The following GFPT2 variants were observed in gnomAD, a reference collection of about 807,000 sequenced individuals.
The protein encoded by GFPT2 is glutamine--fructose-6-phosphate aminotransferase [isomerizing] 2.
In GFPT2, 62 loss-of-function variants were observed where a neutral mutation model predicts 85.6. The ratio of observed to expected loss-of-function variants is 0.72; its 90% CI spans 0.59 to 0.90. The LOEUF is 0.90. Ranked by LOEUF, GFPT2 falls within the 40% of genes least tolerant of loss-of-function variation. The pLI is 0.00. For synonymous variants in GFPT2, 368 were observed against 344.5 expected, an observed-to-expected ratio of 1.07 and a Z score of -0.75; for missense variants, 788 against 893.4, an observed-to-expected ratio of 0.88 and a Z score of 1.50.
At chr5:180,310,557 C>T (rs1258047964) in intron 15 of GFPT2, among the ~76,000 whole-genome samples, 6 of 151,734 alleles carry the variant, frequency 4.0e-5, no homozygotes, top group Non-Finnish European at 8.8e-5. Flanking sequence ...ATTACAGGCA[C>T]CTGCCACCAC....
chr5:180,352,459 G>A (rs978199549), intron 1 of GFPT2: 2 of 451,640 alleles, frequency 4.4e-6, no homozygotes, highest in African/African-American at 2.0e-5. Context: ...TGTGCGCTCC[G>A]GGCCGCGGCC....
chr5:180,311,102 T>C (rs780756009), intron 15 of GFPT2, among the ~76,000 whole-genome samples: 5 of 152,192 alleles, frequency 3.3e-5, no homozygotes, highest in Non-Finnish European at 5.9e-5. Flanking sequence ...TTCTCTATGA[T>C]GGCCCTTCCC....
intron 1 of GFPT2, among the ~76,000 whole-genome samples, chr5:180,342,320 G>A (rs903183791): frequency 4.6e-5 from 7 of 151,736 alleles, no homozygotes; most frequent in East Asian, 1.9e-4. Context: ...GTCATGTACC[G>A]TAGCAGCCTG....
chr5:180,318,694 A>G lies in GFPT2; in HGVS notation c.958+99T>C. The G allele has an allele frequency of 3.0e-6, 3 of 1,006,530 alleles. No individual in the cohort carries two copies. Among genetic ancestry groups the G allele is most frequent in the Non-Finnish European group, 4.5e-6 (3 of 669,854 alleles). The allele number at this position is 1,006,530 out of a possible 1,614,324, so 62.3% of individuals were successfully genotyped here. Reference sequence around the variant, plus strand: ...CGCCCTGGTGGCCACAGAGGGCAGGAGGGCTGTGGCCTCTACTAGGACCAG... The same window carrying G: ...CGCCCTGGTGGCCACAGAGGGCAGGGGGGCTGTGGCCTCTACTAGGACCAG... On this transcript the variant is annotated intron_variant, in intron 10 of 18. Transcript: ENST00000253778. The surrounding 1 kb of genome is among the most constrained non-coding windows in gnomAD (Gnocchi z 4.2).
At position 180,302,533 on chromosome 5, in the gene GFPT2, C is replaced by G; in HGVS notation, c.1894G>C (p.Ala632Pro). 6.2e-7 allele frequency: 1 copy of G among 1,613,996 alleles called. No homozygotes were observed. The highest frequency in any genetic ancestry group is 1.7e-5 in the Admixed American group (1 of 60,018). The change falls in exon 18 of 19, where the codon GCG becomes CCG. Residue 632 changes from alanine (A) to proline (P), a missense_variant. By Grantham distance (27) the Ala-to-Pro change is conservative (BLOSUM62 -1). Coordinates refer to ENST00000253778, the MANE Select transcript of GFPT2 (RefSeq NM_005110.4). ...TGGGGCAGCTCAATTGTCTTATACG[C>G]AAACTTGGAACTTTCAGTATCGTCC... ...SKDDTESSKF[A>P]YKTIELPHTV...
chr5:180,305,628 A>G (rs909536372), intron 16 of GFPT2, among the ~76,000 whole-genome samples: 3 of 152,202 alleles, frequency 2.0e-5, no homozygotes, highest in South Asian at 2.1e-4. Flanking sequence ...CCAGAGGACC[A>G]TGGGCTCGTG....
chr5:180,306,363 C>T (rs1309547017), intron 16 of GFPT2, among the ~76,000 whole-genome samples: 1 of 152,280 alleles, frequency 6.6e-6, no homozygotes, highest in Middle Eastern at 3.4e-3. Context: ...TTAATGCCCT[C>T]GTCTTGGTGG....
chr5:180,338,713 C>A lies in GFPT2; in HGVS notation c.8-113G>T. 4.7e-6 allele frequency: 3 copies of A among 640,738 alleles called. No homozygotes were observed. The South Asian group carries it at 5.6e-5, about 12-fold the overall frequency. 39.7% of individuals were successfully genotyped at this position (640,738 alleles called of 1,614,324 possible). ...ATCACAAAGGTCTCCCAGGGGCTTGCAGAGGTGGGTATGCCCCTCCCTGAG... is the reference window on the plus strand; with the variant it reads ...ATCACAAAGGTCTCCCAGGGGCTTGAAGAGGTGGGTATGCCCCTCCCTGAG... On this transcript the variant is annotated intron_variant, in intron 1 of 18. Coordinates refer to ENST00000253778, the MANE Select transcript of GFPT2 (RefSeq NM_005110.4).
At chr5:180,310,832 C>CAAAAAAAAAAAAAAAAAAAAA (rs3080055) in intron 15 of GFPT2, among the ~76,000 whole-genome samples, 1 of 50,582 alleles carries the variant, frequency 2.0e-5, no homozygotes, top group Non-Finnish European at 3.3e-5. Context: ...TGGACACAGG[C>CAAAAAAAAAAAAAAAAAAAAA]AAAAAAAAAA....
At chr5:180,346,063 C>A (rs1764601787) in intron 1 of GFPT2, among the ~76,000 whole-genome samples, 1 of 152,166 alleles carries the variant, frequency 6.6e-6, no homozygotes. Context: ...CTAGGGAAGG[C>A]TCCCAGAACC....
At position 180,318,021 on chromosome 5, in the gene GFPT2, G is replaced by A. The variant is rs1764047121; in HGVS notation, c.958+772C>T. 6.6e-6 allele frequency among the ~76,000 whole-genome samples: 1 copy of A among 152,164 alleles called. No homozygotes were observed. ...AGCAAATGAAGCAAGTGAGGGGAAT[G>A]AGGGGTGGCCACCATAGGGGAGGGG... On this transcript the variant is annotated intron_variant, in intron 10 of 18. Coordinates refer to ENST00000253778, the MANE Select transcript of GFPT2 (RefSeq NM_005110.4). The surrounding 1 kb of genome is among the most constrained non-coding windows in gnomAD (Gnocchi z 4.2).
chr5:180,352,206 G>C (rs144721677), intron 1 of GFPT2, among the ~76,000 whole-genome samples: 130 of 151,958 alleles, frequency 8.6e-4, no homozygotes, highest in African/African-American at 2.9e-3. Context: ...CACAGACCTC[G>C]GCCAGGGCTC....
intron 6 of GFPT2, among the ~76,000 whole-genome samples, chr5:180,329,741 G>A (rs1166891263): frequency 6.6e-6 from 1 of 152,210 alleles, no homozygotes; most frequent in Non-Finnish European, 1.5e-5. Context: ...CAGTGTCCAG[G>A]CTGCCACAGC....
intron 1 of GFPT2, among the ~76,000 whole-genome samples, chr5:180,342,268 T>C (rs1465834755): frequency 6.6e-6 from 1 of 152,192 alleles, no homozygotes; most frequent in Non-Finnish European, 1.5e-5. Context: ...ATACATCTTT[T>C]AATGTCAATT....
chr5:180,352,338 GGAA>G (rs1764725794), intron 1 of GFPT2: 1 of 284,210 alleles, frequency 3.5e-6, no homozygotes, highest in Non-Finnish European at 6.6e-6. Flanking sequence ...TCCTACTCAA[GGAA>G]AAAAAAAAAA....
intron 7 of GFPT2, among the ~76,000 whole-genome samples, chr5:180,326,222 A>G (rs780343656): frequency 2.5e-4 from 38 of 152,350 alleles, no homozygotes; most frequent in Admixed American, 1.2e-3. Flanking sequence ...AGGCAGGTAA[A>G]AGTGCAGTAG....
At chr5:180,324,343 A>G in intron 8 of GFPT2, 38 bp from the exon 9 acceptor site, 1 of 1,177,490 alleles carries the variant, frequency 8.5e-7, no homozygotes, top group Non-Finnish European at 1.3e-6. Context: ...TCCCACTGGG[A>G]TGTTTTGTTT....
At position 180,313,808 on chromosome 5, in the gene GFPT2, T is replaced by A; in HGVS notation, c.1430A>T (p.Lys477Met). 6.4e-7 allele frequency: 1 copy of A among 1,552,382 alleles called. No individual in the cohort carries two copies. The highest frequency in any genetic ancestry group is 1.9e-5 in the Admixed American group (1 of 53,170). ...AGPEIGVAST[K>M]AYTSQFISLV... ...ACGGGCGCCCGTGGCTCCTCCTACC[T>A]TGGTGCTGGCCACGCCGATCTCCGG... is the stretch of plus-strand genomic sequence containing the variant. Residue 477 changes from lysine (K) to methionine (M), a missense_variant and splice_region_variant, in exon 14 of 19, where the codon AAG becomes ATG. Lys to Met is a moderately conservative substitution (Grantham distance 95, BLOSUM62 -1). Coordinates refer to ENST00000253778, the MANE Select transcript of GFPT2 (RefSeq NM_005110.4).
At chr5:180,348,363 C>T (rs1022868009) in intron 1 of GFPT2, among the ~76,000 whole-genome samples, 8 of 152,372 alleles carry the variant, frequency 5.3e-5, no homozygotes, top group African/African-American at 1.9e-4. Context: ...GGAGAGTCCC[C>T]TGGGCCTTGG....
Sources: gnomAD v4.1 joint callset for allele counts (sites outside exome capture counted in the v4.1 genomes callset) on GRCh38, gnomAD v4.1.1 for gene constraint, Gnocchi (gnomAD v3.1) non-coding constraint, MANE v1.5 for transcripts, NCBI Gene and HGNC (gene_info 2026-07-23, HGNC 2026-07-21) for gene names.